TPM3: variants seen among roughly 807,000 people sequenced by gnomAD.
TPM3 encodes tropomyosin alpha-3 chain.
In TPM3, 16 loss-of-function variants were observed where a neutral mutation model predicts 43.1. The observed-to-expected ratio is 0.37, with a 90% confidence interval of 0.25 to 0.56. TPM3 has a LOEUF of 0.56. TPM3 is among the 20% of genes least tolerant of loss of function. The pLI is 0.77. For synonymous variants in TPM3, 101 were observed against 116.9 expected (o/e 0.86, Z 0.88); for missense variants, 176 against 337.2 (o/e 0.52, Z 3.74).
intron 2 of TPM3, chr1:154,183,280 C>A: frequency 6.6e-7 from 1 of 1,512,548 alleles, no homozygotes; most frequent in Non-Finnish European, 8.8e-7. Flanking sequence ...CACCGCCAGG[C>A]AGGCGGGAAG....
intron 2 of TPM3, among the ~76,000 whole-genome samples, chr1:154,178,736 C>T (rs1199239028): frequency 6.6e-6 from 1 of 152,182 alleles, no homozygotes; most frequent in Non-Finnish European, 1.5e-5. Context: ...TTTTAGCATG[C>T]CCATCCAGAT....
chr1:154,165,836 A>G lies in TPM3; in HGVS notation c.*2101T>C, dbSNP rs151275058. The stretch of plus-strand genomic sequence containing the variant: ...AAAAGAAAAAAGTTTTAACATGTTT[A>G]TGAAGTACCCATTACATGCCTTCTT... On this transcript the variant is annotated 3_prime_UTR_variant, in exon 10 of 10. Coordinates refer to ENST00000651641, the MANE Select transcript of TPM3 (RefSeq NM_152263.4). Among the ~76,000 whole-genome samples the G allele has an allele frequency of 9.2e-5, 14 of 152,032 alleles. No homozygotes were observed. In the East Asian group the frequency reaches 2.7e-3, roughly 29 times the overall value.
At chr1:154,172,353 A>C (rs747549581) in intron 5 of TPM3, 34 of 671,734 alleles carry the variant, frequency 5.1e-5, no homozygotes, top group Non-Finnish European at 9.0e-5. Context: ...GAGAGCAGTT[A>C]ATATCTACCC....
chr1:154,185,664 C>T (rs186422496), intron 2 of TPM3, among the ~76,000 whole-genome samples: 11 of 148,456 alleles, frequency 7.4e-5, no homozygotes, highest in East Asian at 6.0e-4. Context: ...GAGCCGAGAT[C>T]GCGCCACTGC....
chr1:154,170,085 C>A, intron 8 of TPM3: 1 of 362,996 alleles, frequency 2.8e-6, no homozygotes, highest in Non-Finnish European at 5.2e-6. Context: ...TCATGGCTTC[C>A]ATTTAAACCC....
downstream of TPM3, chr1:154,157,312 T>C (rs914208638): frequency 1.1e-5 from 5 of 455,104 alleles, no homozygotes; most frequent in Admixed American, 1.4e-4. Flanking sequence ...ATTTGGAATG[T>C]TTTACAAATG....
intron 6 of TPM3, 105 bp downstream of exon 6, chr1:154,171,308 C>G (rs908598174): frequency 1.7e-6 from 2 of 1,185,350 alleles, no homozygotes. Flanking sequence ...AGGAAGAGGA[C>G]ACGCCTCACT....
intron 2 of TPM3, among the ~76,000 whole-genome samples, chr1:154,188,002 G>GTTGT (rs1038475882): frequency 6.6e-6 from 1 of 151,456 alleles, no homozygotes; most frequent in East Asian, 1.9e-4. Flanking sequence ...ATTTGGTAGG[G>GTTGT]TTGTTTGTTT....
chr1:154,190,350 C>G (rs1389384550), intron 2 of TPM3, among the ~76,000 whole-genome samples: 2 of 152,170 alleles, frequency 1.3e-5, no homozygotes, highest in Non-Finnish European at 2.9e-5. Flanking sequence ...GGTAAGATTC[C>G]TATGGTACTT....
chr1:154,167,683 C>T lies in TPM3; in HGVS notation c.*254G>A, dbSNP rs1286827899. On this transcript the variant is annotated 3_prime_UTR_variant, in exon 10 of 10. Transcript: ENST00000651641. ...AATAGCTCTTCCCCACATCACACCC[C>T]CAAGGCTCCTTCTTAGGGACAGCAA... 5.1e-6 allele frequency: 7 copies of T among 1,363,198 alleles called. No individual in the cohort carries two copies. The highest frequency in any genetic ancestry group is 2.8e-4 in the Middle Eastern group (1 of 3,544). The allele number at this position is 1,363,198 out of a possible 1,614,324, so 84.4% of individuals were successfully genotyped here. A position where few individuals can be genotyped will look rare whatever the true frequency, so the allele number is the denominator to read the frequency against.
intron 2 of TPM3, among the ~76,000 whole-genome samples, chr1:154,185,360 G>A (rs1272362781): frequency 1.6e-5 from 2 of 126,372 alleles, no homozygotes; most frequent in Non-Finnish European, 3.2e-5. Context: ...GTGACAGAGT[G>A]AGACTCTGTA....
At chr1:154,171,172 C>T (rs923454592) in intron 6 of TPM3, 5 of 605,676 alleles carry the variant, frequency 8.3e-6, no homozygotes, top group Non-Finnish European at 1.5e-5. Context: ...CTTTTCAGCA[C>T]AGCAGTATCA....
In TPM3 at chr1:154,170,669, G is replaced by A. The variant is rs1465473674; in HGVS notation, c.685C>T (p.Leu229Phe). The A allele has an allele frequency of 1.2e-6, 2 of 1,612,732 alleles. No individual in the cohort carries two copies. The highest frequency in any genetic ancestry group is 1.7e-5 in the Admixed American group (1 of 59,988). ...CTCACCTCCTTGAGTTTATCAGTAA[G>A]AATCTTGATTTCTTCCTCATATTTA... Reference protein sequence around the residue: ...EDKYEEEIKILTDKLKEAETR... With the variant: ...EDKYEEEIKIFTDKLKEAETR... The change falls in exon 7 of 10, where the codon CTT (leucine) becomes TTT (phenylalanine). Residue 229 changes from leucine (L) to phenylalanine (F), a missense_variant. Physicochemically the swap from Leu to Phe is conservative, Grantham distance 22. Coordinates refer to ENST00000651641, the MANE Select transcript of TPM3 (RefSeq NM_152263.4).
intron 3 of TPM3, among the ~76,000 whole-genome samples, chr1:154,174,423 A>C (rs1662052754): frequency 3.0e-5 from 3 of 100,062 alleles, no homozygotes; most frequent in South Asian, 3.3e-4. Context: ...CAAAAATCCC[A>C]TCCCAGCTTC....
chr1:154,161,260 A>G (rs150231309), downstream of TPM3, among the ~76,000 whole-genome samples: 463 of 151,342 alleles, frequency 3.1e-3, 2 homozygotes, highest in African/African-American at 0.011. Flanking sequence ...GACCTGTCTT[A>G]TTCACTGGGG....
chr1:154,187,308 C>T lies in TPM3; in HGVS notation c.243+3878G>A. The T allele has an allele frequency of 3.0e-6, 3 of 984,508 alleles. No individual in the cohort carries two copies. In the African/African-American group the frequency reaches 5.3e-5, roughly 17 times the overall value. 61.0% of individuals were successfully genotyped at this position (984,508 alleles called of 1,614,324 possible). On this transcript the variant is annotated intron_variant, in intron 2 of 9. Transcript: ENST00000651641. ...AAAACCAGGCTGTTGCAAGATTTAA[C>T]CCACAGGTGGTAGTTTGCTGACTCT... is the stretch of plus-strand genomic sequence containing the variant.
chr1:154,176,270 G>A, intron 2 of TPM3, 22 bp from the exon 3 acceptor site: 1 of 1,614,038 alleles, frequency 6.2e-7, no homozygotes, highest in African/African-American at 1.3e-5. Context: ...GGAAAGAATG[G>A]ACAAGGGAAG....
chr1:154,173,314 T>A lies in TPM3; in HGVS notation c.378-113A>T, dbSNP rs551569501. 3 of 870,390 alleles carry A rather than the reference T, an allele frequency of 3.4e-6. No homozygotes were observed. In the South Asian group the frequency reaches 4.1e-5, roughly 12 times the overall value. The allele number at this position is 870,390 out of a possible 1,614,324, so 53.9% of individuals were successfully genotyped here. A position where few individuals can be genotyped will look rare whatever the true frequency, so the allele number is the denominator to read the frequency against. ...AAGCCCACTCCTCTCTGTCTGCCCCTCAAATGGAAATTCCATGTTACTACT... is the reference window on the plus strand; with the variant it reads ...AAGCCCACTCCTCTCTGTCTGCCCCACAAATGGAAATTCCATGTTACTACT... On this transcript the variant is annotated intron_variant, in intron 3 of 9. Transcript: ENST00000651641.
chr1:154,155,578 G>C (rs1659716448), downstream of TPM3: 1 of 235,288 alleles, frequency 4.3e-6, no homozygotes. Flanking sequence ...CTCAAAAGCA[G>C]CTTTCAAAGT....
Sources: allele counts gnomAD v4.1 joint callset (sites outside exome capture counted in the v4.1 genomes callset), GRCh38; gene constraint gnomAD v4.1.1; transcripts MANE v1.5; gene names NCBI Gene and HGNC (gene_info 2026-07-23, HGNC 2026-07-21).